Variants in PIGG observed in about 807,000 individuals in gnomAD.
PIGG encodes phosphatidylinositol glycan anchor biosynthesis class G (EMM blood group).
Under a neutral mutation model 83.2 loss-of-function variants are expected in PIGG, and 70 were observed. That is an observed-to-expected ratio of 0.84 (90% CI 0.69 to 1.03). PIGG has a LOEUF of 1.03. Ranked by LOEUF, PIGG falls within the 50% of genes least tolerant of loss-of-function variation. The pLI, the probability that PIGG is intolerant of heterozygous loss-of-function variation, is 0.00. For synonymous variants in PIGG, 532 were observed against 519.5 expected (o/e 1.02, Z -0.33); for missense variants, 1,257 against 1,233.6 (o/e 1.02, Z -0.28).
At chr4:524,268 G>A (rs950394721) in intron 9 of PIGG, among the ~76,000 whole-genome samples, 7 of 152,218 alleles carry the variant, frequency 4.6e-5, no homozygotes, top group Non-Finnish European at 1.0e-4. Flanking sequence ...TGCCTGGGCT[G>A]TGTGCCCCCC....
At position 530,650 on chromosome 4, in the gene PIGG, C is replaced by G. The variant is rs773020244; in HGVS notation, c.2476C>G (p.Leu826Val). The G allele has an allele frequency of 6.2e-7, 1 of 1,613,298 alleles. No homozygotes were observed. ...AGCATTTAGCCTCTTGATTCAGACT[C>G]TAATGACTAAATTCATCTGGAAGCC... Reference protein sequence around the residue: ...VLAFSLLIQTLMTKFIWKPLR... With the variant: ...VLAFSLLIQTVMTKFIWKPLR... The change falls in exon 11 of 13, where the codon CTA (leucine) becomes GTA (valine). Residue 826 changes from leucine (L) to valine (V), a missense_variant. Transcript: ENST00000453061.
At chr4:520,801 A>G (rs575667826) in intron 6 of PIGG, among the ~76,000 whole-genome samples, 5 of 152,382 alleles carry the variant, frequency 3.3e-5, no homozygotes, top group South Asian at 4.1e-4. Flanking sequence ...AGTCACTGCC[A>G]TCCGCGGGTG....
At chr4:523,972 C>G in intron 9 of PIGG, 59 bp downstream of exon 9, 1 of 1,104,964 alleles carries the variant, frequency 9.1e-7, no homozygotes, top group Non-Finnish European at 1.3e-6. Flanking sequence ...GGTCACCTGC[C>G]AAGCTCTTCT....
chr4:539,987 A>G lies in PIGG; in HGVS notation c.*618A>G, dbSNP rs1298921411. On this transcript the variant is annotated 3_prime_UTR_variant, in exon 13 of 13. Transcript: ENST00000453061. The stretch of plus-strand genomic sequence containing the variant: ...TGAGATCAGCCTGGGAAACATAGTG[A>G]GACCCTCATCTCTCCAAAAACTTCA... The G allele has an allele frequency of 6.6e-6, 1 of 152,132 alleles. No homozygotes were observed. Among genetic ancestry groups the G allele is most frequent in the African/African-American group, 2.4e-5 (1 of 41,414 alleles). The allele number at this position is 152,132 out of a possible 1,614,324, so 9.4% of individuals were successfully genotyped here.
At position 523,889 on chromosome 4, in the gene PIGG, C is replaced by G; in HGVS notation, c.2045C>G (p.Pro682Arg). ...NQTGVQWAHR[P>R]DLGHWLTSSD... ...ACAGGTGTGCAGTGGGCTCACCGGC[C>G]TGACCTCGGCCACTGGCTCACCAGG... The change falls in exon 9 of 13, where the codon CCT becomes CGT. Residue 682 changes from proline (P) to arginine (R), a missense_variant. Physicochemically the swap from Pro to Arg is moderately radical, Grantham distance 103. Coordinates refer to ENST00000453061, the MANE Select transcript of PIGG (RefSeq NM_001127178.3). 6.5e-7 allele frequency: 1 copy of G among 1,538,018 alleles called. No individual in the cohort carries two copies. Among genetic ancestry groups the G allele is most frequent in the South Asian group, 1.2e-5 (1 of 83,798 alleles).
At chr4:511,485 C>T (rs140034580) in intron 5 of PIGG, among the ~76,000 whole-genome samples, 1 of 152,038 alleles carries the variant, frequency 6.6e-6, no homozygotes, top group Non-Finnish European at 1.5e-5. Flanking sequence ...ATGTATATTT[C>T]CTATGTTGTC....
At chr4:531,082 C>T (rs948040912) in intron 11 of PIGG, 2 of 251,846 alleles carry the variant, frequency 7.9e-6, no homozygotes, top group Non-Finnish European at 1.5e-5. Flanking sequence ...ATGCCCTTTG[C>T]CCCTGGTGTC....
intron 10 of PIGG, chr4:527,960 G>T: frequency 1.0e-6 from 1 of 985,322 alleles, no homozygotes; most frequent in Non-Finnish European, 1.2e-6. Context: ...GGATGGGACA[G>T]AGGCATGTCC....
At chr4:522,029 T>C (rs1427452622) in intron 8 of PIGG, 88 bp downstream of exon 8, 3 of 1,437,006 alleles carry the variant, frequency 2.1e-6, no homozygotes, top group South Asian at 1.2e-5. Flanking sequence ...TTTACCAGAC[T>C]CTGGTTGAAC....
intron 12 of PIGG, chr4:536,894 C>T (rs1471004309): frequency 1.3e-5 from 2 of 152,252 alleles, no homozygotes; most frequent in South Asian, 2.1e-4. Flanking sequence ...CCCGGCTCCT[C>T]TCTCTGTAGG....
chr4:519,317 A>G (rs545205198), intron 6 of PIGG, among the ~76,000 whole-genome samples: 83 of 152,322 alleles, frequency 5.4e-4, no homozygotes, highest in African/African-American at 1.9e-3. Context: ...AGCGCCTGGC[A>G]CAGTGCCTGG....
chr4:522,056 G>T (rs560505928), intron 8 of PIGG, 115 bp downstream of exon 8: 8 of 1,086,780 alleles, frequency 7.4e-6, no homozygotes, highest in Non-Finnish European at 1.1e-5. Flanking sequence ...TGTGTGCCAC[G>T]TGCTGGCAGT....
At chr4:507,155 G>A (rs1284472679) in intron 3 of PIGG, among the ~76,000 whole-genome samples, 2 of 152,190 alleles carry the variant, frequency 1.3e-5, no homozygotes, top group African/African-American at 4.8e-5. Flanking sequence ...GCCCAGGTGG[G>A]TCCTGAACTC....
At chr4:500,923 A>G (rs1717461352) in intron 2 of PIGG, among the ~76,000 whole-genome samples, 1 of 152,210 alleles carries the variant, frequency 6.6e-6, no homozygotes, top group Non-Finnish European at 1.5e-5. Flanking sequence ...TGGGTCATTT[A>G]CAATCTTAGA....
chr4:520,730 A>G (rs1279297420), intron 6 of PIGG, among the ~76,000 whole-genome samples: 1 of 152,238 alleles, frequency 6.6e-6, no homozygotes, highest in Admixed American at 6.5e-5. Flanking sequence ...GAGACAGAAC[A>G]GGGAGAAGGA....
chr4:529,333 TG>T (rs1390764053), intron 10 of PIGG, among the ~76,000 whole-genome samples: 2 of 151,908 alleles, frequency 1.3e-5, no homozygotes, highest in Non-Finnish European at 2.9e-5. Context: ...CCTTGGCCTG[TG>T]GGGGTTGCCA....
intron 10 of PIGG, chr4:527,703 C>T (rs183872375): frequency 3.0e-5 from 30 of 985,270 alleles, no homozygotes; most frequent in Non-Finnish European, 1.6e-5. Flanking sequence ...TAATTTATAA[C>T]GAGCCCCCGT....
intron 10 of PIGG, among the ~76,000 whole-genome samples, chr4:530,024 G>A (rs1004507197): frequency 6.6e-6 from 1 of 152,184 alleles, no homozygotes; most frequent in Non-Finnish European, 1.5e-5. Flanking sequence ...GCTCAGTTGT[G>A]CAATGAACAT....
chr4:528,661 T>G lies in PIGG; in HGVS notation c.2261+1431T>G. ...GAGACTTAGGGCTCATCCAAATGGA[T>G]GTTACATTTGCGGGTGTGTGTTTAA... On this transcript the variant is annotated intron_variant, in intron 10 of 12. Transcript: ENST00000453061. This position sits in a 1 kb window ranked among gnomAD's most constrained non-coding sequence, Gnocchi z 4.8. The G allele has an allele frequency of 1.0e-6, 1 of 984,372 alleles. No homozygotes were observed. The highest frequency in any genetic ancestry group is 1.2e-6 in the Non-Finnish European group (1 of 829,014). 61.0% of individuals were successfully genotyped at this position (984,372 alleles called of 1,614,324 possible).
Sources: gnomAD v4.1 joint callset for allele counts (sites outside exome capture counted in the v4.1 genomes callset) on GRCh38, gnomAD v4.1.1 for gene constraint, Gnocchi (gnomAD v3.1) non-coding constraint, MANE v1.5 for transcripts, NCBI Gene and HGNC (gene_info 2026-07-23, HGNC 2026-07-21) for gene names.